GBA1: variants seen among roughly 807,000 people sequenced by gnomAD.
GBA1 encodes the protein glucosylceramidase beta 1.
At chr1:155,239,987 G>A in the GBA1 span, 8 of 1,614,040 alleles carry the variant, frequency 5.0e-6, no homozygotes, top group South Asian at 1.1e-5. Flanking sequence ...GGCAGGAAAG[G>A]TCGGGGGGTC....
chr1:155,242,813 G>A, the GBA1 span, among the ~76,000 whole-genome samples: 2 of 151,878 alleles, frequency 1.3e-5, no homozygotes, highest in Non-Finnish European at 2.9e-5. Context: ...GGCTGGTCTC[G>A]AACCCCTGAC....
At chr1:155,240,998 A>G in the GBA1 span, 1 of 1,277,390 alleles carries the variant, frequency 7.8e-7, no homozygotes, top group Non-Finnish European at 1.1e-6. Context: ...ATGGCCCTGG[A>G]TTCAAAGAGA....
chr1:155,239,569 C>T, the GBA1 span: 529,301 of 1,608,550 alleles, frequency 0.33, 95,559 homozygotes, highest in East Asian at 0.72. Flanking sequence ...AAAAGAAAAA[C>T]GAAAAGTTTC....
At chr1:155,237,221 C>CAGG in the GBA1 span, 3 of 1,556,734 alleles carry the variant, frequency 1.9e-6, no homozygotes, top group Non-Finnish European at 2.6e-6. Flanking sequence ...CCTGGAGGTC[C>CAGG]AGGGGAATGG....
chr1:155,237,730 C>T, the GBA1 span: 820 of 1,499,500 alleles, frequency 5.5e-4, no homozygotes, highest in Non-Finnish European at 7.0e-4. Flanking sequence ...GGCGAAACCC[C>T]GTCTCTACTA....
At chr1:155,235,226 C>G in the GBA1 span, 21 of 1,613,514 alleles carry the variant, frequency 1.3e-5, no homozygotes, top group Non-Finnish European at 1.8e-5. Context: ...GCAGAGCCAT[C>G]GGGATGCATC....
chr1:155,239,861 A>AG, the GBA1 span: 1 of 1,614,072 alleles, frequency 6.2e-7, no homozygotes, highest in South Asian at 1.1e-5. Context: ...AGCCTGGCCC[A>AG]GGGGGTGAGG....
chr1:155,236,328 A>G, the GBA1 span: 2 of 1,614,200 alleles, frequency 1.2e-6, no homozygotes, highest in Non-Finnish European at 1.7e-6. Flanking sequence ...GAGCCCACAC[A>G]GGCCTCTGAG....
the GBA1 span, chr1:155,240,388 T>C: frequency 1.6e-6 from 1 of 607,102 alleles, no homozygotes; most frequent in Admixed American, 2.8e-5. Context: ...CGCTTGAATC[T>C]GGGAGGCAGA....
chr1:155,242,710 A>G, the GBA1 span, among the ~76,000 whole-genome samples: 1 of 150,604 alleles, frequency 6.6e-6, no homozygotes, highest in Non-Finnish European at 1.5e-5. Context: ...GCCCTGCCTC[A>G]GCCTCCTGAG....
the GBA1 span, chr1:155,240,418 T>G: frequency 1.6e-6 from 1 of 618,582 alleles, no homozygotes; most frequent in East Asian, 2.7e-5. Context: ...GAGCCAAAAT[T>G]GCACCACTGC....
At chr1:155,239,786 G>A in the GBA1 span, 3 of 1,614,080 alleles carry the variant, frequency 1.9e-6, no homozygotes, top group Non-Finnish European at 2.5e-6. Flanking sequence ...CAGGGAATAA[G>A]GGTATCAGTA....
the GBA1 span, chr1:155,240,088 G>C: frequency 6.2e-7 from 1 of 1,612,170 alleles, no homozygotes; most frequent in Non-Finnish European, 8.5e-7. Flanking sequence ...CTGGGAGGGA[G>C]GGAGTACAAG....
At chr1:155,236,511 C>T in the GBA1 span, 1 of 1,451,396 alleles carries the variant, frequency 6.9e-7, no homozygotes, top group South Asian at 1.2e-5. Context: ...TGCACACAGG[C>T]TTCTGGAACT....
At chr1:155,236,523 C>G in the GBA1 span, 4 of 1,372,686 alleles carry the variant, frequency 2.9e-6, no homozygotes, top group Non-Finnish European at 4.1e-6. Flanking sequence ...TCTGGAACTT[C>G]TAGTTCCTGT....
At chr1:155,236,124 G>T in the GBA1 span, 1 of 900,076 alleles carries the variant, frequency 1.1e-6, no homozygotes, top group Non-Finnish European at 1.8e-6. Context: ...GTTCCCCAGA[G>T]TTGCTCAAAA....
the GBA1 span, chr1:155,235,309 T>G: frequency 6.2e-7 from 1 of 1,611,356 alleles, no homozygotes. Flanking sequence ...AGGAATGAAC[T>G]TGCTGAATGT....
the GBA1 span, chr1:155,238,747 G>A: frequency 6.2e-7 from 1 of 1,604,038 alleles, no homozygotes; most frequent in East Asian, 2.2e-5. Context: ...TCTGAGTCAG[G>A]GCCAAAGGGA....
At chr1:155,241,249 C>A in the GBA1 span, 2 of 802,356 alleles carry the variant, frequency 2.5e-6, no homozygotes, top group African/African-American at 1.7e-5. Context: ...CAAGTAATTC[C>A]GGCTTCCCGA....
Sources: gnomAD v4.1 joint callset for allele counts (sites outside exome capture counted in the v4.1 genomes callset) on GRCh38, gnomAD v4.1.1 for gene constraint, MANE v1.5 for transcripts, NCBI Gene and HGNC (gene_info 2026-07-23, HGNC 2026-07-21) for gene names.